Variants in DPY19L3 observed in about 807,000 individuals in gnomAD.
The protein encoded by DPY19L3 is dpy-19 like C-mannosyltransferase 3, also known as protein C-mannosyl-transferase DPY19L3.
A neutral mutation model predicts 92.3 loss-of-function variants in DPY19L3; 51 were observed. The ratio of observed to expected loss-of-function variants is 0.55; its 90% CI spans 0.44 to 0.70. DPY19L3 has a LOEUF of 0.70. DPY19L3 is among the 30% of genes least tolerant of loss of function. DPY19L3 has a pLI of 0.00. For synonymous variants in DPY19L3, 309 were observed against 315.2 expected, an observed-to-expected ratio of 0.98 and a Z score of 0.21; for missense variants, 706 against 855.9, an observed-to-expected ratio of 0.82 and a Z score of 2.18.
At chr19:32,453,776 C>T (rs1969781293) in intron 9 of DPY19L3, among the ~76,000 whole-genome samples, 1 of 151,880 alleles carries the variant, frequency 6.6e-6, no homozygotes, top group Admixed American at 6.6e-5. Context: ...TTTGAGAATC[C>T]AAATAAATAA....
At chr19:32,411,658 C>G in intron 3 of DPY19L3, 1 of 374,822 alleles carries the variant, frequency 2.7e-6, no homozygotes, top group Non-Finnish European at 4.7e-6. Context: ...ACCTCTGCCT[C>G]GCAGGTTCAG....
At chr19:32,468,460 A>T in intron 15 of DPY19L3, 6 of 1,110,360 alleles carry the variant, frequency 5.4e-6, no homozygotes, top group African/African-American at 1.6e-5. Flanking sequence ...TAGCATTTCT[A>T]TTGGAGCAAA....
At chr19:32,426,184 C>T (rs150698986) in intron 3 of DPY19L3, among the ~76,000 whole-genome samples, 1 of 152,332 alleles carries the variant, frequency 6.6e-6, no homozygotes, top group African/African-American at 2.4e-5. Flanking sequence ...TAGCTTCCAG[C>T]TTTTCTTCTG....
At chr19:32,467,669 A>G in intron 15 of DPY19L3, 2 of 987,578 alleles carry the variant, frequency 2.0e-6, no homozygotes, top group Non-Finnish European at 2.4e-6. Flanking sequence ...TAAAAGTATT[A>G]TATTTTCTAC....
chr19:32,471,381 C>G (rs1970352889), intron 16 of DPY19L3, among the ~76,000 whole-genome samples: 1 of 152,212 alleles, frequency 6.6e-6, no homozygotes, highest in Non-Finnish European at 1.5e-5. Flanking sequence ...TCTGCCCATG[C>G]AATCATCACG....
chr19:32,478,813 T>C (rs753533827), intron 17 of DPY19L3, among the ~76,000 whole-genome samples: 7 of 152,244 alleles, frequency 4.6e-5, no homozygotes, highest in Non-Finnish European at 8.8e-5. Context: ...TCCCTGTCTT[T>C]TGTGATTATA....
chr19:32,425,312 A>G (rs987119529), intron 3 of DPY19L3, among the ~76,000 whole-genome samples: 2 of 152,186 alleles, frequency 1.3e-5, no homozygotes, highest in Non-Finnish European at 2.9e-5. Context: ...AGCAGTTTGG[A>G]GGCCAAGGCA....
At chr19:32,464,390 T>C (rs570144300) in intron 14 of DPY19L3, among the ~76,000 whole-genome samples, 70 of 152,188 alleles carry the variant, frequency 4.6e-4, no homozygotes, top group Non-Finnish European at 8.2e-4. Context: ...ATTCACTAGG[T>C]GGCAATATAG....
intron 12 of DPY19L3, among the ~76,000 whole-genome samples, chr19:32,459,880 G>T (rs1969982363): frequency 6.6e-6 from 1 of 152,106 alleles, no homozygotes; most frequent in South Asian, 2.1e-4. Context: ...TTAACAAGGG[G>T]GATATGTTCT....
Position 32,411,458 on chromosome 19 carries a change from GT to G in DPY19L3, c.237+90del, listed in dbSNP as rs771641351. 3 of 1,456,332 alleles carry G rather than the reference GT, an allele frequency of 2.1e-6. No homozygotes were observed. In the Admixed American group the frequency reaches 5.7e-5, roughly 28 times the overall value. 90.2% of individuals were successfully genotyped at this position (1,456,332 alleles called of 1,614,324 possible). On this transcript the variant is annotated intron_variant, in intron 3 of 18. Coordinates refer to ENST00000392250, the MANE Select transcript of DPY19L3 (RefSeq NM_001172774.2). ...GTGGATGAATGACCAAGGCAACACA[GT>G]TTTGCCATAAAGAATCCAATCTCTA... is the stretch of plus-strand genomic sequence containing the variant.
Position 32,454,904 on chromosome 19 carries a change from C to T in DPY19L3, c.988-35C>T. On this transcript the variant is annotated intron_variant, in intron 9 of 18. Coordinates refer to ENST00000392250, the MANE Select transcript of DPY19L3 (RefSeq NM_001172774.2). ...CAGTGTTTATGAAGTTATATTAAAACTTAAGAATTAAAACATAACTCTTTT... is the reference window on the plus strand; with the variant it reads ...CAGTGTTTATGAAGTTATATTAAAATTTAAGAATTAAAACATAACTCTTTT... The T allele has an allele frequency of 2.2e-6, 3 of 1,355,090 alleles. No individual in the cohort carries two copies. The South Asian group carries it at 3.9e-5, about 18-fold the overall frequency. 83.9% of individuals were successfully genotyped at this position (1,355,090 alleles called of 1,614,324 possible).
intron 3 of DPY19L3, among the ~76,000 whole-genome samples, chr19:32,422,158 G>A (rs1377058453): frequency 6.6e-6 from 1 of 152,130 alleles, no homozygotes; most frequent in East Asian, 1.9e-4. Context: ...AACAAAAAAG[G>A]GAAGAGAACA....
At position 32,484,719 on chromosome 19, in the gene DPY19L3, C is replaced by T. The variant is rs928334514; in HGVS notation, c.*2479C>T. On this transcript the variant is annotated 3_prime_UTR_variant, in exon 19 of 19. Transcript: ENST00000392250. ...CCCTCCCTGGAGTTGTGCACCCGTC[C>T]CAAACTCCTCCATGCAAGTTCTGCT... 4 of 152,162 alleles carry T rather than the reference C, an allele frequency of 2.6e-5. No homozygotes were observed. The highest frequency in any genetic ancestry group is 2.0e-4 in the Admixed American group (3 of 15,264). 9.4% of individuals were successfully genotyped at this position (152,162 alleles called of 1,614,324 possible).
rs183792765 is a variant in DPY19L3, at chr19:32,445,086, A to C, written c.855+5176A>C. ...GCAAGACCCAGTCTCAAAAAAAAAA[A>C]AAAAAACAAAAAACAATGGAGGCCA... On this transcript the variant is annotated intron_variant, in intron 8 of 18. Transcript: ENST00000392250. Among the ~76,000 whole-genome samples, 1,045 of 151,532 alleles carry C rather than the reference A, an allele frequency of 6.9e-3. 6 individuals are homozygous for C. Among genetic ancestry groups the C allele is most frequent in the Non-Finnish European group, 0.012 (832 of 67,874 alleles).
intron 11 of DPY19L3, 45 bp downstream of exon 11, chr19:32,458,218 C>T: frequency 1.3e-6 from 2 of 1,589,328 alleles, no homozygotes; most frequent in Non-Finnish European, 1.7e-6. Flanking sequence ...TCTATTGAAT[C>T]AGCAGGGACT....
intron 8 of DPY19L3, among the ~76,000 whole-genome samples, chr19:32,448,632 A>C (rs1034975536): frequency 6.6e-6 from 1 of 152,240 alleles, no homozygotes; most frequent in Non-Finnish European, 1.5e-5. Context: ...ATTAAGTGGA[A>C]GTGGATCATC....
At chr19:32,430,287 C>G (rs576545783) in intron 3 of DPY19L3, among the ~76,000 whole-genome samples, 1 of 151,940 alleles carries the variant, frequency 6.6e-6, no homozygotes, top group Non-Finnish European at 1.5e-5. Context: ...TACTTGGAAG[C>G]CGAGAGGATC....
intron 10 of DPY19L3, among the ~76,000 whole-genome samples, chr19:32,457,248 T>C (rs1255572931): frequency 6.6e-6 from 1 of 152,216 alleles, no homozygotes; most frequent in East Asian, 1.9e-4. Context: ...TGAAAGTCCT[T>C]GCTGTTTTTG....
chr19:32,426,832 C>T (rs1345624689), intron 3 of DPY19L3, among the ~76,000 whole-genome samples: 2 of 152,166 alleles, frequency 1.3e-5, no homozygotes, highest in Non-Finnish European at 2.9e-5. Flanking sequence ...ATAGCTGTTG[C>T]AGAAATGGTG....
Sources: gnomAD v4.1 joint callset for allele counts (sites outside exome capture counted in the v4.1 genomes callset) on GRCh38, gnomAD v4.1.1 for gene constraint, MANE v1.5 for transcripts, NCBI Gene and HGNC (gene_info 2026-07-23, HGNC 2026-07-21) for gene names.